The following NBEAL1 variants were observed in gnomAD, a reference collection of about 807,000 sequenced individuals.
NBEAL1 encodes neurobeachin-like protein 1.
Under a neutral mutation model 351.3 loss-of-function variants are expected in NBEAL1, and 273 were observed. The ratio of observed to expected loss-of-function variants is 0.78; its 90% CI spans 0.70 to 0.86. The LOEUF is 0.86. Ranked by LOEUF, NBEAL1 falls within the 40% of genes least tolerant of loss-of-function variation. NBEAL1 has a pLI of 0.00. For synonymous variants in NBEAL1, 1,050 were observed against 1,086.4 expected (o/e 0.97, Z 0.66); for missense variants, 2,961 against 3,201.3 (o/e 0.92, Z 1.81).
Position 203,157,759 on chromosome 2 carries a change from AAGTT to A in NBEAL1, c.5652_5655del (p.Ser1885IlefsTer7), listed in dbSNP as rs751960078. 3.1e-6 allele frequency: 5 copies of A among 1,597,038 alleles called. No homozygotes were observed. Among genetic ancestry groups the A allele is most frequent in the South Asian group, 1.1e-5 (1 of 87,880 alleles). ...CTTTTGGAAGTAGTGAAACAAGTAA[AAGTT>A]AGTGATATGGTGGAGGATAAATTAG... On this transcript the variant is annotated frameshift_variant, in exon 36 of 56. Transcript: ENST00000683969. LOFTEE classifies it high-confidence loss of function.
intron 55 of NBEAL1, among the ~76,000 whole-genome samples, chr2:203,214,537 G>C (rs537083547): frequency 7.7e-4 from 117 of 152,342 alleles, no homozygotes; most frequent in African/African-American, 2.6e-3. Context: ...CACTTTGGGG[G>C]ACCGAGACGA....
intron 4 of NBEAL1, among the ~76,000 whole-genome samples, chr2:203,053,290 CTTA>C (rs756284360): frequency 6.6e-6 from 1 of 152,032 alleles, no homozygotes; most frequent in Admixed American, 6.6e-5. Flanking sequence ...TTTGTAGTAT[CTTA>C]TTGTTTTAAT....
chr2:203,041,739 ATAT>A (rs1435854342), intron 2 of NBEAL1, 23 bp from the exon 3 acceptor site: 1 of 1,498,054 alleles, frequency 6.7e-7, no homozygotes, highest in Non-Finnish European at 9.1e-7. Context: ...GGCATACTTA[ATAT>A]TATAATGGTT....
At position 203,042,812 on chromosome 2, in the gene NBEAL1, T is replaced by G. The variant is rs1015952273; in HGVS notation, c.143+956T>G. On this transcript the variant is annotated intron_variant, in intron 3 of 55. Transcript: ENST00000683969. ...CATGTTGGCCAGTATGATCTCGATCTCTTGACCTCATGATCCACCTGCCTC... is the reference window on the plus strand; with the variant it reads ...CATGTTGGCCAGTATGATCTCGATCGCTTGACCTCATGATCCACCTGCCTC... Among the ~76,000 whole-genome samples, 7 of 152,264 alleles carry G rather than the reference T, an allele frequency of 4.6e-5. No individual in the cohort carries two copies. In the South Asian group the frequency reaches 6.2e-4, roughly 14 times the overall value.
Position 203,218,285 on chromosome 2 carries a change from T to A in NBEAL1, c.*931T>A, listed in dbSNP as rs1314012930. 6.7e-6 allele frequency: 1 copy of A among 150,332 alleles called. No homozygotes were observed. Among genetic ancestry groups the A allele is most frequent in the Non-Finnish European group, 1.5e-5 (1 of 67,716 alleles). 9.3% of individuals were successfully genotyped at this position (150,332 alleles called of 1,614,324 possible). A position where few individuals can be genotyped will look rare whatever the true frequency, so the allele number is the denominator to read the frequency against. On this transcript the variant is annotated 3_prime_UTR_variant, in exon 56 of 56. Coordinates refer to ENST00000683969, the MANE Select transcript of NBEAL1 (RefSeq NM_001378026.1). The stretch of plus-strand genomic sequence containing the variant: ...CATTTATATATAGTAATTTAAAAAT[T>A]TCTATTTCATGTTTTAGGATTATAG...
At chr2:203,176,890 C>T (rs920512927) in intron 42 of NBEAL1, among the ~76,000 whole-genome samples, 4 of 151,658 alleles carry the variant, frequency 2.6e-5, no homozygotes, top group African/African-American at 9.7e-5. Flanking sequence ...TTGGCTTATG[C>T]CTTTAATCCC....
chr2:203,091,401 G>A (rs189099362), intron 10 of NBEAL1, among the ~76,000 whole-genome samples: 11 of 152,094 alleles, frequency 7.2e-5, no homozygotes, highest in South Asian at 4.2e-4. Flanking sequence ...TTTGGGTTGC[G>A]TCCACCGTTT....
rs2065908421 is a variant in NBEAL1 at position 203,217,352 on chromosome 2, T to A, written c.8170T>A (p.Ter2724ArgextTer13). The A allele has an allele frequency of 1.1e-5, 18 of 1,565,936 alleles. No homozygotes were observed. The highest frequency in any genetic ancestry group is 1.6e-5 in the Non-Finnish European group (18 of 1,157,780). The change falls in exon 56 of 56, where the codon TGA becomes AGA. Residue 2724 changes from the stop codon to arginine (R), a stop_lost. Transcript: ENST00000683969. ...ETEYNTQDSK* is the reference protein window; with the variant it reads ...ETEYNTQDSKR ...TGAATATAATACTCAAGATTCCAAG[T>A]GATTGTTATTTCCATTTTCTGTTAT...
In NBEAL1 at chr2:203,209,393, G is replaced by A. The variant is rs2065709375; in HGVS notation, c.7785+71G>A. ...CTTTCCCTCCCCACATTATAGATGAGGTTTATTGAAGAAGGAAAGAACACC... is the reference window on the plus strand; with the variant it reads ...CTTTCCCTCCCCACATTATAGATGAAGTTTATTGAAGAAGGAAAGAACACC... On this transcript the variant is annotated intron_variant, in intron 53 of 55. Coordinates refer to ENST00000683969, the MANE Select transcript of NBEAL1 (RefSeq NM_001378026.1). The A allele has an allele frequency of 2.6e-6, 3 of 1,134,556 alleles. No individual in the cohort carries two copies. In the East Asian group the frequency reaches 7.3e-5, roughly 28 times the overall value. The allele number at this position is 1,134,556 out of a possible 1,614,324, so 70.3% of individuals were successfully genotyped here.
intron 41 of NBEAL1, among the ~76,000 whole-genome samples, chr2:203,173,985 TCA>T (rs1210674499): frequency 6.6e-6 from 1 of 151,990 alleles, no homozygotes; most frequent in Non-Finnish European, 1.5e-5. Flanking sequence ...AATTCAGATG[TCA>T]CCATTCAGAC....
Position 203,130,403 on chromosome 2 carries a change from G to T in NBEAL1, c.3491G>T (p.Gly1164Val), listed in dbSNP as rs781054666. ...GQLFLLLFEP[G>V]NADILYALLL... ...CTTTTCTTACTGCTTTTTGAACCAG[G>T]AAATGCTGACATACTGTACGCATTG... The change falls in exon 25 of 56, where the codon GGA (glycine) becomes GTA (valine). Residue 1164 changes from glycine (G) to valine (V), a missense_variant. Coordinates refer to ENST00000683969, the MANE Select transcript of NBEAL1 (RefSeq NM_001378026.1). The T allele has an allele frequency of 1.6e-5, 24 of 1,534,358 alleles. No individual in the cohort carries two copies. The highest frequency in any genetic ancestry group is 2.0e-5 in the Non-Finnish European group (23 of 1,140,868).
chr2:203,205,313 C>A (rs1449161965), intron 51 of NBEAL1, among the ~76,000 whole-genome samples: 1 of 151,816 alleles, frequency 6.6e-6, no homozygotes, highest in African/African-American at 2.4e-5. Flanking sequence ...TTTTTTTTAA[C>A]CATTTAAAAG....
In NBEAL1 at chr2:203,172,814, G is replaced by A; in HGVS notation, c.6284G>A (p.Gly2095Glu). 1 of 1,610,004 alleles carries A rather than the reference G, an allele frequency of 6.2e-7. No homozygotes were observed. The highest frequency in any genetic ancestry group is 8.5e-7 in the Non-Finnish European group (1 of 1,177,928). ...AVFRDLSKPI[G>E]VVNEKNAKAM... is the part of the protein sequence containing the mutation. ...TTTCGAGATCTTTCCAAACCAATTGGGGTAGTTAATGAAAAAAACGCCAAA... is the reference window on the plus strand; with the variant it reads ...TTTCGAGATCTTTCCAAACCAATTGAGGTAGTTAATGAAAAAAACGCCAAA... The change falls in exon 41 of 56, where the codon GGG becomes GAG. Residue 2095 changes from glycine to glutamate, a missense_variant. Gly to Glu is a moderately conservative substitution (Grantham distance 98, BLOSUM62 -2). Coordinates refer to ENST00000683969, the MANE Select transcript of NBEAL1 (RefSeq NM_001378026.1).
intron 10 of NBEAL1, 159 bp downstream of exon 10, chr2:203,084,728 A>C: frequency 2.2e-6 from 1 of 448,414 alleles, no homozygotes; most frequent in Non-Finnish European, 3.9e-6. Flanking sequence ...ACTAGTATTA[A>C]ATCACTTGTA....
chr2:203,196,213 A>C (rs1439140206), intron 47 of NBEAL1, among the ~76,000 whole-genome samples: 1 of 152,248 alleles, frequency 6.6e-6, no homozygotes, highest in Non-Finnish European at 1.5e-5. Flanking sequence ...AATATAGTAC[A>C]TTCCAAGTTC....
At chr2:203,093,351 A>G (rs2106192852) in intron 10 of NBEAL1, among the ~76,000 whole-genome samples, 1 of 152,278 alleles carries the variant, frequency 6.6e-6, no homozygotes, top group African/African-American at 2.4e-5. Context: ...AAACTCAGAT[A>G]TAACAAATTT....
rs139546368 is a variant in NBEAL1 at position 203,124,882 on chromosome 2, A to C, written c.2683-470A>C. On this transcript the variant is annotated intron_variant, in intron 19 of 55. Transcript: ENST00000683969. ...AGAAAATATTTTATTAAGCTACCCA[A>C]AATATCCAAAACTTTGAACTTTGCC... Among the ~76,000 whole-genome samples, 810 of 152,322 alleles carry C rather than the reference A, an allele frequency of 5.3e-3. 2 individuals carry two copies. The highest frequency in any genetic ancestry group is 8.2e-3 in the Non-Finnish European group (558 of 68,030).
At chr2:203,127,504 G>A (rs1575009640) in intron 23 of NBEAL1, among the ~76,000 whole-genome samples, 2 of 152,080 alleles carry the variant, frequency 1.3e-5, no homozygotes, top group Non-Finnish European at 2.9e-5. Context: ...TGGGCAGATC[G>A]TGAGGTCAGG....
At chr2:203,159,930 A>G (rs2106376391) in intron 36 of NBEAL1, among the ~76,000 whole-genome samples, 1 of 151,842 alleles carries the variant, frequency 6.6e-6, no homozygotes, top group Non-Finnish European at 1.5e-5. Flanking sequence ...AAAATTCATT[A>G]TAGCCATCCT....
Sources: gnomAD v4.1 joint callset for allele counts (sites outside exome capture counted in the v4.1 genomes callset) on GRCh38, gnomAD v4.1.1 for gene constraint, MANE v1.5 for transcripts, NCBI Gene and HGNC (gene_info 2026-07-23, HGNC 2026-07-21) for gene names.